CMC2: variants seen among roughly 807,000 people sequenced by gnomAD.
CMC2 encodes C-X9-C motif containing 2.
In CMC2, 5 loss-of-function variants were observed where a neutral mutation model predicts 7.5. That is an observed-to-expected ratio of 0.66 (90% CI 0.35 to 1.40). CMC2 has a LOEUF of 1.40. CMC2 is among the 40% of genes most tolerant of loss of function. The probability of loss-of-function intolerance (pLI) is 0.04; values close to 1 mark genes in which losing one functional copy is unlikely to be tolerated. For synonymous variants in CMC2, 37 were observed against 31.4 expected, an observed-to-expected ratio of 1.18 and a Z score of -0.60; for missense variants, 115 against 92.3, an observed-to-expected ratio of 1.25 and a Z score of -1.01.
At position 80,971,254 on chromosome 16, in the gene CMC2, T is replaced by A. The variant is rs977263022; in HGVS notation, c.*4839A>T. 6.6e-6 allele frequency: 1 copy of A among 152,102 alleles called. No homozygotes were observed. Among genetic ancestry groups the A allele is most frequent in the African/African-American group, 2.4e-5 (1 of 41,406 alleles). 9.4% of individuals were successfully genotyped at this position (152,102 alleles called of 1,614,324 possible). A position where few individuals can be genotyped will look rare whatever the true frequency, so the allele number is the denominator to read the frequency against. ...AGCCCAATAATTAAAATCCTAGGTT[T>A]ATACCTAAAAACACTCTCCCAGATT... On this transcript the variant is annotated 3_prime_UTR_variant, in exon 4 of 4. Coordinates refer to ENST00000219400, the MANE Select transcript of CMC2 (RefSeq NM_020188.5).
chr16:80,976,777 T>G (rs1912419275), intron 3 of CMC2, among the ~76,000 whole-genome samples: 1 of 152,224 alleles, frequency 6.6e-6, no homozygotes, highest in Non-Finnish European at 1.5e-5. Context: ...CTTTTATTTC[T>G]TCTTGTCTGC....
At position 80,969,022 on chromosome 16, in the gene CMC2, G is replaced by T. The variant is rs1001247647; in HGVS notation, c.*7071C>A. 1.3e-5 allele frequency: 2 copies of T among 152,210 alleles called. No individual in the cohort carries two copies. The highest frequency in any genetic ancestry group is 4.8e-5 in the African/African-American group (2 of 41,446). 9.4% of individuals were successfully genotyped at this position (152,210 alleles called of 1,614,324 possible). ...GCATAGGGAGGTAAGAGTAAGGCCAGTGTGACTCACCTTGGGCTCTGAGCA... is the reference window on the plus strand; with the variant it reads ...GCATAGGGAGGTAAGAGTAAGGCCATTGTGACTCACCTTGGGCTCTGAGCA... On this transcript the variant is annotated 3_prime_UTR_variant, in exon 4 of 4. Transcript: ENST00000219400.
chr16:81,005,998 A>G (rs1160655361), intron 1 of CMC2, among the ~76,000 whole-genome samples: 1 of 152,194 alleles, frequency 6.6e-6, no homozygotes, highest in South Asian at 2.1e-4. Flanking sequence ...AATCAACTAA[A>G]CAAGTGCAAA....
intron 1 of CMC2, among the ~76,000 whole-genome samples, chr16:81,002,138 G>C (rs1968911986): frequency 6.6e-6 from 1 of 152,122 alleles, no homozygotes; most frequent in South Asian, 2.1e-4. Flanking sequence ...ACATACACTG[G>C]TATAGGCCAG....
chr16:80,983,888 G>C (rs1160555126), intron 2 of CMC2: 1 of 152,422 alleles, frequency 6.6e-6, no homozygotes, highest in Non-Finnish European at 1.5e-5. Flanking sequence ...GGCTGAGGCA[G>C]GAGAACTGCT....
In CMC2 at chr16:80,968,695, A is replaced by G. The variant is rs987154725; in HGVS notation, c.*7398T>C. The G allele has an allele frequency of 1.3e-5, 2 of 152,214 alleles. No homozygotes were observed. Among genetic ancestry groups the G allele is most frequent in the African/African-American group, 4.8e-5 (2 of 41,446 alleles). 9.4% of individuals were successfully genotyped at this position (152,214 alleles called of 1,614,324 possible). Reference sequence around the variant, plus strand: ...TCCTGCTAAAAAGCTATCTACAAATACTAGATAGCATATATCAAATATAGT... The same window carrying G: ...TCCTGCTAAAAAGCTATCTACAAATGCTAGATAGCATATATCAAATATAGT... On this transcript the variant is annotated 3_prime_UTR_variant, in exon 4 of 4. Coordinates refer to ENST00000219400, the MANE Select transcript of CMC2 (RefSeq NM_020188.5).
At chr16:81,003,230 A>G (rs1968997152) in intron 1 of CMC2, among the ~76,000 whole-genome samples, 1 of 152,254 alleles carries the variant, frequency 6.6e-6, no homozygotes, top group Non-Finnish European at 1.5e-5. Context: ...CTCACCTTTA[A>G]AAGACTATTC....
intron 1 of CMC2, among the ~76,000 whole-genome samples, chr16:81,001,765 G>C (rs1485930126): frequency 1.3e-5 from 2 of 151,872 alleles, no homozygotes; most frequent in Non-Finnish European, 2.9e-5. Context: ...TAATTCCAAA[G>C]GATTATAGCA....
At chr16:80,991,511 G>A (rs765065781) in intron 2 of CMC2, among the ~76,000 whole-genome samples, 3 of 151,924 alleles carry the variant, frequency 2.0e-5, no homozygotes, top group African/African-American at 4.8e-5. Context: ...GCATGGTGAC[G>A]TGGCCTGTAG....
At chr16:81,000,288 G>C (rs1309728708) in intron 1 of CMC2, among the ~76,000 whole-genome samples, 1 of 152,130 alleles carries the variant, frequency 6.6e-6, no homozygotes, top group African/African-American at 2.4e-5. Context: ...ACAAGGTCAG[G>C]AGTTCGAGAC....
At chr16:80,997,628 G>A (rs1968530758) in intron 1 of CMC2, 199 bp from the exon 2 acceptor site, 1 of 372,804 alleles carries the variant, frequency 2.7e-6, no homozygotes, top group South Asian at 5.2e-5. Flanking sequence ...GTTATCAGTA[G>A]TATTTAGAGA....
chr16:81,005,051 A>C (rs1969156897), intron 1 of CMC2, among the ~76,000 whole-genome samples: 1 of 152,272 alleles, frequency 6.6e-6, no homozygotes, highest in Admixed American at 6.5e-5. Flanking sequence ...ATAAGCAAAA[A>C]ACAAGGCCAG....
intron 3 of CMC2, among the ~76,000 whole-genome samples, chr16:80,981,480 A>G (rs773428803): frequency 2.0e-5 from 3 of 152,190 alleles, no homozygotes; most frequent in Non-Finnish European, 4.4e-5. Context: ...GTTACCTACC[A>G]ATCAGCTAAT....
Position 80,981,829 on chromosome 16 carries a change from A to G in CMC2, c.130T>C (p.Leu44=), listed in dbSNP as rs535811260. The stretch of plus-strand genomic sequence containing the variant: ...ACCTCATTCTTCAGGCATTTTCTCA[A>G]CTCCCGATCAACATCATTACAATAA... ...FGYCNDVDRE[L]RKCLKNEYVE... The change falls in exon 3 of 4, where the codon TTG becomes CTG. Residue 44 remains leucine (L), a synonymous_variant. Transcript: ENST00000219400. The G allele has an allele frequency of 1.1e-5, 18 of 1,610,248 alleles. No individual in the cohort carries two copies. The African/African-American group carries it at 2.3e-4, about 20-fold the overall frequency.
At position 80,971,443 on chromosome 16, in the gene CMC2, T is replaced by G. The variant is rs1297801122; in HGVS notation, c.*4650A>C. The G allele has an allele frequency of 6.9e-6, 1 of 145,364 alleles. No homozygotes were observed. The highest frequency in any genetic ancestry group is 1.5e-5 in the Non-Finnish European group (1 of 67,580). The allele number at this position is 145,364 out of a possible 1,614,324, so 9.0% of individuals were successfully genotyped here. ...ACAAGAACCTCATTTATCAACATAG[T>G]ATTTTTTTTTTAAAAAAAAAAGGTA... On this transcript the variant is annotated 3_prime_UTR_variant, in exon 4 of 4. Transcript: ENST00000219400.
intron 2 of CMC2, among the ~76,000 whole-genome samples, chr16:80,985,482 T>G (rs142517019): frequency 1.3e-5 from 2 of 152,202 alleles, no homozygotes; most frequent in African/African-American, 4.8e-5. Context: ...TATGCTAACA[T>G]GTCATCTTAA....
chr16:80,986,546 A>G (rs1477351731), intron 2 of CMC2, among the ~76,000 whole-genome samples: 1 of 152,228 alleles, frequency 6.6e-6, no homozygotes, highest in African/African-American at 2.4e-5. Context: ...CAAAAAAGAA[A>G]ACAAAACCGC....
At chr16:80,989,512 T>C (rs977499615) in intron 2 of CMC2, among the ~76,000 whole-genome samples, 4 of 152,208 alleles carry the variant, frequency 2.6e-5, no homozygotes, top group Non-Finnish European at 4.4e-5. Context: ...TACTTTCTGG[T>C]ACAAGATGTT....
rs1912241957 is a variant in CMC2, at chr16:80,975,717, T to A, written c.*376A>T. 1 of 159,194 alleles carries A rather than the reference T, an allele frequency of 6.3e-6. No homozygotes were observed. The highest frequency in any genetic ancestry group is 1.4e-5 in the Non-Finnish European group (1 of 72,628). 9.9% of individuals were successfully genotyped at this position (159,194 alleles called of 1,614,324 possible). A position where few individuals can be genotyped will look rare whatever the true frequency, so the allele number is the denominator to read the frequency against. ...ACTGCTGGGATTTCCCCAGAATTCT[T>A]CAACATCATGTTGTCAAAAAGAAAA... On this transcript the variant is annotated 3_prime_UTR_variant, in exon 4 of 4. Transcript: ENST00000219400.
Sources: allele counts gnomAD v4.1 joint callset (sites outside exome capture counted in the v4.1 genomes callset), GRCh38; gene constraint gnomAD v4.1.1; transcripts MANE v1.5; gene names NCBI Gene and HGNC (gene_info 2026-07-23, HGNC 2026-07-21).